Variants in BCAS1 observed in about 807,000 individuals in gnomAD.
The protein encoded by BCAS1 is breast carcinoma-amplified sequence 1.
A neutral mutation model predicts 65.4 loss-of-function variants in BCAS1; 46 were observed. The ratio of observed to expected loss-of-function variants is 0.70; its 90% CI spans 0.55 to 0.90. The LOEUF (loss-of-function observed/expected upper bound fraction) is 0.90. BCAS1 is among the 40% of genes least tolerant of loss of function. The pLI is 0.00. For synonymous variants in BCAS1, 298 were observed against 293.5 expected, an observed-to-expected ratio of 1.02 and a Z score of -0.16; for missense variants, 793 against 771.2, an observed-to-expected ratio of 1.03 and a Z score of -0.33.
At chr20:54,052,032 C>A (rs1041550686) in intron 3 of BCAS1, among the ~76,000 whole-genome samples, 1 of 152,178 alleles carries the variant, frequency 6.6e-6, no homozygotes, top group African/African-American at 2.4e-5. Context: ...AGCCACTGCA[C>A]CCAGCCAACT....
At chr20:54,037,737 T>A (rs2091923437) in intron 3 of BCAS1, among the ~76,000 whole-genome samples, 1 of 151,354 alleles carries the variant, frequency 6.6e-6, no homozygotes, top group Non-Finnish European at 1.5e-5. Flanking sequence ...AGCTAATGAC[T>A]GGTAGATTTA....
At chr20:54,064,742 C>T (rs564321946) in intron 1 of BCAS1, among the ~76,000 whole-genome samples, 11 of 152,360 alleles carry the variant, frequency 7.2e-5, no homozygotes, top group Non-Finnish European at 1.6e-4. Context: ...GGGCAAAGCA[C>T]TTGACCCTTC....
At chr20:54,023,932 A>C (rs1321371068) in intron 4 of BCAS1, among the ~76,000 whole-genome samples, 1 of 152,250 alleles carries the variant, frequency 6.6e-6, no homozygotes, top group Admixed American at 6.5e-5. Flanking sequence ...AAAAAATAAA[A>C]GTAAAATGTG....
At chr20:54,063,463 A>C (rs2146359076) in intron 1 of BCAS1, among the ~76,000 whole-genome samples, 1 of 152,336 alleles carries the variant, frequency 6.6e-6, no homozygotes, top group South Asian at 2.1e-4. Context: ...CCCGGTAGTG[A>C]GACTCTACCG....
At chr20:53,997,004 C>T (rs1233939186) in intron 4 of BCAS1, among the ~76,000 whole-genome samples, 2 of 152,190 alleles carry the variant, frequency 1.3e-5, no homozygotes, top group East Asian at 1.9e-4. Context: ...TCTGTCTGCC[C>T]GTAGGTAATT....
chr20:53,994,890 C>T (rs1600812616), intron 6 of BCAS1, 122 bp downstream of exon 6: 2 of 219,210 alleles, frequency 9.1e-6, no homozygotes, highest in African/African-American at 3.0e-5. Context: ...AGATATGATA[C>T]ACACACACAC....
chr20:53,949,034 G>A (rs1322592089), intron 12 of BCAS1, among the ~76,000 whole-genome samples: 2 of 152,120 alleles, frequency 1.3e-5, no homozygotes, highest in Non-Finnish European at 2.9e-5. Context: ...TGCAGATTGC[G>A]CTGCACACAA....
At chr20:54,034,035 A>C (rs914689308) in intron 3 of BCAS1, among the ~76,000 whole-genome samples, 1 of 151,498 alleles carries the variant, frequency 6.6e-6, no homozygotes, top group Non-Finnish European at 1.5e-5. Flanking sequence ...CAAAAACTAC[A>C]TGATTATCTC....
intron 3 of BCAS1, among the ~76,000 whole-genome samples, chr20:54,032,051 A>T (rs2091812363): frequency 6.6e-6 from 1 of 151,216 alleles, no homozygotes; most frequent in Non-Finnish European, 1.5e-5. Context: ...CCAAAGTTGA[A>T]ATGTAAGAAA....
chr20:54,065,740 C>T (rs1344311904), intron 1 of BCAS1, among the ~76,000 whole-genome samples: 3 of 152,160 alleles, frequency 2.0e-5, no homozygotes, highest in Non-Finnish European at 4.4e-5. Flanking sequence ...TGCCTGGGCT[C>T]CCCTCTGGCT....
intron 9 of BCAS1, among the ~76,000 whole-genome samples, chr20:53,973,405 G>A (rs532120892): frequency 1.3e-5 from 2 of 152,002 alleles, no homozygotes; most frequent in African/African-American, 2.4e-5. Flanking sequence ...TTGTGTTATC[G>A]TTTGGTGTCG....
At chr20:54,064,636 G>A (rs902493912) in intron 1 of BCAS1, among the ~76,000 whole-genome samples, 5 of 152,160 alleles carry the variant, frequency 3.3e-5, no homozygotes, top group Non-Finnish European at 5.9e-5. Context: ...CCGCAGTCTC[G>A]CTCTCCTGCA....
chr20:53,988,430 A>G (rs1347854134), intron 7 of BCAS1, among the ~76,000 whole-genome samples: 1 of 152,244 alleles, frequency 6.6e-6, no homozygotes, highest in Non-Finnish European at 1.5e-5. Context: ...GATGACAAGA[A>G]TAAAAGGTAA....
intron 4 of BCAS1, among the ~76,000 whole-genome samples, chr20:53,996,461 TAAAA>T (rs143929524): frequency 0.085 from 7,871 of 92,152 alleles, 537 homozygotes; most frequent in African/African-American, 0.25. Flanking sequence ...TTATATCAAC[TAAAA>T]AAAAAAAAAA....
chr20:53,948,574 T>C (rs534101130), intron 12 of BCAS1, among the ~76,000 whole-genome samples: 75 of 152,260 alleles, frequency 4.9e-4, no homozygotes, highest in South Asian at 1.0e-3. Context: ...ACTGGCCTCA[T>C]ACATACACAT....
At chr20:53,979,702 C>G (rs2090429160) in intron 8 of BCAS1, among the ~76,000 whole-genome samples, 1 of 152,158 alleles carries the variant, frequency 6.6e-6, no homozygotes, top group Non-Finnish European at 1.5e-5. Context: ...TCATGATCAC[C>G]TATCTTGGAT....
intron 8 of BCAS1, among the ~76,000 whole-genome samples, chr20:53,977,589 T>C (rs1210504474): frequency 6.6e-6 from 1 of 152,230 alleles, no homozygotes; most frequent in Non-Finnish European, 1.5e-5. Flanking sequence ...TTGCTCACTA[T>C]ATTTCAGAAG....
intron 10 of BCAS1, among the ~76,000 whole-genome samples, chr20:53,960,621 T>C (rs959817723): frequency 2.0e-5 from 3 of 152,186 alleles, no homozygotes; most frequent in Non-Finnish European, 2.9e-5. Context: ...ATTAAATCCA[T>C]CTGAAGTCAC....
At chr20:54,025,231 T>G (rs539647718) in intron 4 of BCAS1, among the ~76,000 whole-genome samples, 6 of 152,194 alleles carry the variant, frequency 3.9e-5, no homozygotes, top group Admixed American at 2.0e-4. Flanking sequence ...GGTTTTATTT[T>G]TAACCAATAA....
Sources: allele counts gnomAD v4.1 joint callset (sites outside exome capture counted in the v4.1 genomes callset), GRCh38; gene constraint gnomAD v4.1.1; transcripts MANE v1.5; gene names NCBI Gene and HGNC (gene_info 2026-07-23, HGNC 2026-07-21).